KLHL32: variants seen among roughly 807,000 people sequenced by gnomAD.
KLHL32 encodes kelch-like protein 32.
In KLHL32, 35 loss-of-function variants were observed where a neutral mutation model predicts 64.8. That is an observed-to-expected ratio of 0.54 (90% CI 0.41 to 0.72). The LOEUF (loss-of-function observed/expected upper bound fraction) is 0.72, where lower values mean the gene tolerates loss of function less well. Ranked by LOEUF, KLHL32 falls within the 30% of genes least tolerant of loss-of-function variation. The pLI is 0.00. For synonymous variants in KLHL32, 259 were observed against 281.0 expected (o/e 0.92, Z 0.78); for missense variants, 589 against 768.5 (o/e 0.77, Z 2.76).
intron 1 of KLHL32, among the ~76,000 whole-genome samples, chr6:96,925,378 A>T (rs1220702982): frequency 6.6e-6 from 1 of 152,140 alleles, no homozygotes; most frequent in East Asian, 1.9e-4. Context: ...TACACTGAGG[A>T]CCTTTCGTAA....
intron 7 of KLHL32, among the ~76,000 whole-genome samples, chr6:97,125,335 T>A (rs976285304): frequency 6.6e-6 from 1 of 152,182 alleles, no homozygotes; most frequent in Non-Finnish European, 1.5e-5. Flanking sequence ...TCCTCTGGAT[T>A]CTTGTTGACT....
chr6:96,906,239 T>C, the KLHL32 span, among the ~76,000 whole-genome samples: 2 of 152,200 alleles, frequency 1.3e-5, no homozygotes, highest in African/African-American at 4.8e-5. Flanking sequence ...TACAGAACCA[T>C]AGAATAATAA....
At chr6:96,988,807 A>T (rs1188442936) in intron 3 of KLHL32, among the ~76,000 whole-genome samples, 4 of 152,178 alleles carry the variant, frequency 2.6e-5, no homozygotes, top group Non-Finnish European at 5.9e-5. Context: ...CTTTGTAGGG[A>T]CATGGATGAA....
intron 3 of KLHL32, among the ~76,000 whole-genome samples, chr6:97,035,491 C>G (rs1421262918): frequency 6.6e-6 from 1 of 152,036 alleles, no homozygotes; most frequent in Non-Finnish European, 1.5e-5. Context: ...TTTGAAGAAC[C>G]CCCTTAGCCA....
At chr6:97,107,468 C>T (rs556291081) in intron 6 of KLHL32, among the ~76,000 whole-genome samples, 25 of 152,248 alleles carry the variant, frequency 1.6e-4, no homozygotes, top group Admixed American at 4.6e-4. Context: ...TGGGTTAAGT[C>T]GGTTAACTTG....
intron 3 of KLHL32, among the ~76,000 whole-genome samples, chr6:97,033,265 A>T (rs907782055): frequency 6.6e-6 from 1 of 152,150 alleles, no homozygotes; most frequent in African/African-American, 2.4e-5. Flanking sequence ...TATAAGTGAG[A>T]TCATTCAATA....
intron 5 of KLHL32, among the ~76,000 whole-genome samples, chr6:97,079,706 C>T (rs1198057251): frequency 1.3e-5 from 2 of 151,686 alleles, no homozygotes; most frequent in Non-Finnish European, 2.9e-5. Flanking sequence ...CTATGAGAAA[C>T]AAATAGAAGG....
chr6:97,120,660 A>G (rs184992258), intron 7 of KLHL32, among the ~76,000 whole-genome samples: 1 of 152,262 alleles, frequency 6.6e-6, no homozygotes, highest in African/African-American at 2.4e-5. Context: ...TTGAGGGAGA[A>G]AAGTGTGTGT....
intron 1 of KLHL32, among the ~76,000 whole-genome samples, chr6:96,942,970 G>C (rs1241283285): frequency 6.6e-6 from 1 of 151,668 alleles, no homozygotes; most frequent in African/African-American, 2.4e-5. Flanking sequence ...CAGGGCTAGA[G>C]ATTTAGAGGA....
intron 4 of KLHL32, among the ~76,000 whole-genome samples, chr6:97,050,449 A>G (rs1036891578): frequency 6.6e-6 from 1 of 151,962 alleles, no homozygotes; most frequent in Non-Finnish European, 1.5e-5. Context: ...TTTGGCTTTT[A>G]TTGTGGGGCA....
chr6:97,094,571 C>A (rs563506399), intron 6 of KLHL32, among the ~76,000 whole-genome samples: 1 of 152,170 alleles, frequency 6.6e-6, no homozygotes, highest in African/African-American at 2.4e-5. Context: ...CCACCCTTTC[C>A]TCTGACCACC....
chr6:96,941,486 GT>G (rs1178571645), intron 1 of KLHL32, among the ~76,000 whole-genome samples: 2 of 152,058 alleles, frequency 1.3e-5, no homozygotes, highest in Non-Finnish European at 2.9e-5. Flanking sequence ...TCTTAAATAA[GT>G]TTTCTGAGTG....
At chr6:97,121,867 G>A (rs1256278887) in intron 7 of KLHL32, among the ~76,000 whole-genome samples, 2 of 152,168 alleles carry the variant, frequency 1.3e-5, no homozygotes, top group African/African-American at 4.8e-5. Flanking sequence ...ATAGGGAATG[G>A]CTGAAGAACT....
intron 3 of KLHL32, among the ~76,000 whole-genome samples, chr6:96,988,664 T>C (rs1299990327): frequency 1.3e-5 from 2 of 152,236 alleles, no homozygotes; most frequent in Non-Finnish European, 2.9e-5. Flanking sequence ...CGTATGTTTA[T>C]TGCAGCACTA....
intron 3 of KLHL32, among the ~76,000 whole-genome samples, chr6:96,998,527 A>G (rs1778659535): frequency 1.3e-5 from 2 of 152,194 alleles, no homozygotes; most frequent in African/African-American, 4.8e-5. Flanking sequence ...TAAGCATATA[A>G]ATATTTACTA....
intron 1 of KLHL32, among the ~76,000 whole-genome samples, 164 bp from the exon 2 acceptor site, chr6:96,966,832 A>G (rs916522556): frequency 2.4e-4 from 36 of 152,192 alleles, no homozygotes; most frequent in Non-Finnish European, 1.5e-5. Flanking sequence ...ATCCAGAACA[A>G]TTACTTGTTT....
chr6:97,009,238 T>A (rs1780059562), intron 3 of KLHL32, among the ~76,000 whole-genome samples: 1 of 151,662 alleles, frequency 6.6e-6, no homozygotes, highest in African/African-American at 2.4e-5. Context: ...GAATTTTGGT[T>A]TATAAACCAA....
chr6:96,968,957 C>G (rs1176685852), intron 2 of KLHL32, among the ~76,000 whole-genome samples: 1 of 152,202 alleles, frequency 6.6e-6, no homozygotes, highest in Non-Finnish European at 1.5e-5. Flanking sequence ...GAGAAAGCCA[C>G]AGCCACAAAA....
intron 4 of KLHL32, among the ~76,000 whole-genome samples, chr6:97,048,374 G>A (rs1211560634): frequency 6.6e-6 from 1 of 152,150 alleles, no homozygotes; most frequent in Admixed American, 6.5e-5. Context: ...TTGGGGGATA[G>A]TCACCCTAAA....
Sources: allele counts gnomAD v4.1 joint callset (sites outside exome capture counted in the v4.1 genomes callset), GRCh38; gene constraint gnomAD v4.1.1; transcripts MANE v1.5; gene names NCBI Gene and HGNC (gene_info 2026-07-23, HGNC 2026-07-21).